Variants in XYLT1 observed in about 807,000 individuals in gnomAD.
XYLT1 encodes xylosyltransferase 1.
In XYLT1, 36 loss-of-function variants were observed where a neutral mutation model predicts 91.3. The observed-to-expected ratio is 0.39, with a 90% confidence interval of 0.30 to 0.52. The LOEUF (loss-of-function observed/expected upper bound fraction) is 0.52. Among genes scored for constraint, XYLT1 ranks in the 20% least tolerant of loss-of-function variants. The pLI is 0.68. For missense variants in XYLT1, 1,242 were observed against 1,284.5 expected (o/e 0.97, Z 0.51); for synonymous variants, 588 against 532.0 (o/e 1.11, Z -1.45).
chr16:17,294,853 A>G (rs2034286173), intron 2 of XYLT1, among the ~76,000 whole-genome samples: 1 of 152,208 alleles, frequency 6.6e-6, no homozygotes, highest in Admixed American at 6.5e-5. Context: ...TGGTGTAGGT[A>G]TACAGCAGGT....
chr16:17,162,385 G>A (rs1315966966), intron 5 of XYLT1, among the ~76,000 whole-genome samples: 1 of 145,546 alleles, frequency 6.9e-6, no homozygotes, highest in African/African-American at 2.6e-5. Flanking sequence ...ACTCCAGCCT[G>A]GGTGAAAGAG....
At chr16:17,237,307 C>A (rs117634371) in intron 3 of XYLT1, among the ~76,000 whole-genome samples, 3,401 of 152,210 alleles carry the variant, frequency 0.022, 51 homozygotes, top group Non-Finnish European at 0.033. Context: ...GAAGAAGTTC[C>A]AAAATACATT....
chr16:17,259,398 A>G lies in XYLT1; in HGVS notation c.503T>C (p.Phe168Ser), dbSNP rs1218671642. ...CTTCTGCTTTTGAGTCCTGGGTGCG[A>G]AGTTGCTGTTGTCGACATTCTCAAA... ...KDFENVDNSN[F>S]APRTQKQKHQ... The change falls in exon 3 of 12, where the codon TTC (phenylalanine) becomes TCC (serine). Residue 168 changes from phenylalanine (F) to serine (S), a missense_variant. Transcript: ENST00000261381. The G allele has an allele frequency of 6.2e-7, 1 of 1,613,938 alleles. No homozygotes were observed. The highest frequency in any genetic ancestry group is 8.5e-7 in the Non-Finnish European group (1 of 1,180,020).
intron 1 of XYLT1, among the ~76,000 whole-genome samples, chr16:17,380,007 G>C (rs2035659758): frequency 1.3e-5 from 2 of 152,144 alleles, no homozygotes; most frequent in Non-Finnish European, 2.9e-5. Context: ...TGGTTGGAGG[G>C]CTGGGAGCAG....
chr16:17,204,286 C>T (rs895512354), intron 3 of XYLT1, among the ~76,000 whole-genome samples: 11 of 152,204 alleles, frequency 7.2e-5, no homozygotes, highest in African/African-American at 2.7e-4. Flanking sequence ...CAGACAGACA[C>T]AGACATGGAT....
At chr16:17,161,671 T>G (rs199535999) in intron 5 of XYLT1, among the ~76,000 whole-genome samples, 2,113 of 94,418 alleles carry the variant, frequency 0.022, 33 homozygotes, top group East Asian at 0.1. Context: ...TTCCAGTTTC[T>G]CGCGCGCTCT....
At chr16:17,300,208 G>T (rs1022148532) in intron 2 of XYLT1, among the ~76,000 whole-genome samples, 1 of 152,100 alleles carries the variant, frequency 6.6e-6, no homozygotes, top group Non-Finnish European at 1.5e-5. Context: ...AGATATTTTT[G>T]TGCCTCTGAC....
At chr16:17,371,895 T>C (rs2035538113) in intron 1 of XYLT1, among the ~76,000 whole-genome samples, 1 of 152,242 alleles carries the variant, frequency 6.6e-6, no homozygotes, top group Non-Finnish European at 1.5e-5. Flanking sequence ...AGCATCCACA[T>C]GCACATACAG....
chr16:17,245,516 C>G (rs1418032550), intron 3 of XYLT1, among the ~76,000 whole-genome samples: 1 of 152,236 alleles, frequency 6.6e-6, no homozygotes. Flanking sequence ...AAAGCAAGCA[C>G]TATTTCAATC....
intron 1 of XYLT1, among the ~76,000 whole-genome samples, chr16:17,366,512 T>C (rs992377920): frequency 2.6e-5 from 4 of 152,164 alleles, no homozygotes; most frequent in East Asian, 3.9e-4. Context: ...CTGACCAATA[T>C]GGTGAAACCC....
intron 5 of XYLT1, among the ~76,000 whole-genome samples, chr16:17,177,444 C>A (rs933029367): frequency 3.9e-5 from 6 of 152,102 alleles, no homozygotes; most frequent in African/African-American, 1.2e-4. Context: ...ATGAAGATGT[C>A]ATTATTTGAT....
intron 1 of XYLT1, among the ~76,000 whole-genome samples, chr16:17,438,675 C>T (rs1050279419): frequency 4.6e-5 from 7 of 151,996 alleles, no homozygotes; most frequent in African/African-American, 9.7e-5. Flanking sequence ...GGCTAGGAGG[C>T]TTCAGAAGAC....
chr16:17,225,592 CAAG>C (rs1011752465), intron 3 of XYLT1, among the ~76,000 whole-genome samples: 1 of 150,020 alleles, frequency 6.7e-6, no homozygotes, highest in African/African-American at 2.5e-5. Flanking sequence ...TTGCACATCA[CAAG>C]AAGAAGGAGG....
intron 1 of XYLT1, chr16:17,369,537 C>T (rs967069184): frequency 6.6e-6 from 1 of 152,128 alleles, no homozygotes; most frequent in Non-Finnish European, 1.5e-5. Flanking sequence ...CATACCTTAC[C>T]CCTCCCCCAC....
chr16:17,284,175 A>G (rs2034098999), intron 2 of XYLT1, among the ~76,000 whole-genome samples: 1 of 152,232 alleles, frequency 6.6e-6, no homozygotes. Context: ...TCCTGTTGCG[A>G]AGATCAAATG....
intron 2 of XYLT1, among the ~76,000 whole-genome samples, chr16:17,325,741 G>A (rs1187702057): frequency 1.3e-5 from 2 of 152,180 alleles, no homozygotes; most frequent in Non-Finnish European, 2.9e-5. Flanking sequence ...GAAATTGCTA[G>A]CATTTTTGAG....
chr16:17,379,758 C>CTT (rs1201133895), intron 1 of XYLT1, among the ~76,000 whole-genome samples: 314 of 140,572 alleles, frequency 2.2e-3, no homozygotes, highest in African/African-American at 8.3e-3. Context: ...CTCTCTCTCT[C>CTT]TCTCTCACAC....
intron 2 of XYLT1, among the ~76,000 whole-genome samples, chr16:17,292,642 T>G (rs1429427128): frequency 6.6e-6 from 1 of 152,150 alleles, no homozygotes; most frequent in Non-Finnish European, 1.5e-5. Flanking sequence ...TTAAAACCAC[T>G]TTGGTAGGAG....
chr16:17,201,475 CTTTT>C (rs552724633), intron 3 of XYLT1, among the ~76,000 whole-genome samples: 4 of 140,652 alleles, frequency 2.8e-5, no homozygotes, highest in African/African-American at 2.6e-5. Context: ...GAGAGGTTAT[CTTTT>C]TTTTTTTTTT....
Sources: gnomAD v4.1 joint callset for allele counts (sites outside exome capture counted in the v4.1 genomes callset) on GRCh38, gnomAD v4.1.1 for gene constraint, MANE v1.5 for transcripts, NCBI Gene and HGNC (gene_info 2026-07-23, HGNC 2026-07-21) for gene names.